The following LRP1B variants were observed in gnomAD, a reference collection of about 807,000 sequenced individuals.
LRP1B encodes low-density lipoprotein receptor-related protein 1B.
Under a neutral mutation model 556.6 loss-of-function variants are expected in LRP1B, and 217 were observed. The ratio of observed to expected loss-of-function variants is 0.39; its 90% CI spans 0.35 to 0.44. The LOEUF is 0.44. LRP1B is among the 20% of genes least tolerant of loss of function. The pLI is 1.00. For missense variants in LRP1B, 5,053 were observed against 5,620.8 expected, an observed-to-expected ratio of 0.90 and a Z score of 3.23; for synonymous variants, 2,047 against 1,865.8, an observed-to-expected ratio of 1.10 and a Z score of -2.50.
intron 84 of LRP1B, among the ~76,000 whole-genome samples, chr2:140,284,803 A>C (rs1177101081): frequency 6.6e-6 from 1 of 151,306 alleles, no homozygotes; most frequent in Non-Finnish European, 1.5e-5. Context: ...GGGATGATAA[A>C]GATAGATGTA....
intron 25 of LRP1B, among the ~76,000 whole-genome samples, chr2:140,876,014 T>C (rs2105172537): frequency 6.6e-6 from 1 of 152,272 alleles, no homozygotes; most frequent in South Asian, 2.1e-4. Context: ...AGAAGGTGGT[T>C]TTATAATCAG....
chr2:140,928,561 A>G (rs895843081), intron 20 of LRP1B, among the ~76,000 whole-genome samples: 4 of 152,092 alleles, frequency 2.6e-5, no homozygotes, highest in Admixed American at 2.0e-4. Flanking sequence ...TTCTGATCAC[A>G]ATTCATTGAC....
At chr2:140,925,380 A>G (rs1033966397) in intron 20 of LRP1B, among the ~76,000 whole-genome samples, 1 of 152,192 alleles carries the variant, frequency 6.6e-6, no homozygotes, top group African/African-American at 2.4e-5. Context: ...TAGACCTCCA[A>G]GGCCCAATCA....
chr2:141,205,877 C>T (rs374388629), intron 6 of LRP1B, among the ~76,000 whole-genome samples: 1 of 152,090 alleles, frequency 6.6e-6, no homozygotes, highest in African/African-American at 2.4e-5. Flanking sequence ...TGTATGTCAG[C>T]AGAATTCAAT....
intron 2 of LRP1B, among the ~76,000 whole-genome samples, chr2:141,540,444 A>G (rs1472049805): frequency 6.6e-6 from 1 of 152,076 alleles, no homozygotes; most frequent in Admixed American, 6.6e-5. Flanking sequence ...AGTAATTCAT[A>G]TATGTTCAAT....
In LRP1B at chr2:141,910,842, A is replaced by G. The variant is rs144168970; in HGVS notation, c.83-100441T>C. 4.8e-3 allele frequency among the ~76,000 whole-genome samples: 728 copies of G among 152,236 alleles called. 7 individuals are homozygous for G. The highest frequency in any genetic ancestry group is 0.027 in the Middle Eastern group (8 of 294). On this transcript the variant is annotated intron_variant, in intron 1 of 90. Transcript: ENST00000389484. ...TAGGAAACTTTCAGTGCTACTTTGT[A>G]TCACTATCTGTAATATAACATATAT...
chr2:141,214,572 G>A (rs926319199), intron 6 of LRP1B, among the ~76,000 whole-genome samples: 4 of 152,190 alleles, frequency 2.6e-5, no homozygotes, highest in African/African-American at 9.7e-5. Flanking sequence ...ACCATTTTGA[G>A]TGATCCTGTA....
intron 52 of LRP1B, among the ~76,000 whole-genome samples, 174 bp from the exon 53 acceptor site, chr2:140,507,092 A>T (rs1341836678): frequency 6.6e-6 from 1 of 152,218 alleles, no homozygotes; most frequent in African/African-American, 2.4e-5. Context: ...ATATGTATTT[A>T]TATTAGAATG....
In LRP1B at chr2:140,597,387, A is replaced by G. The variant is rs375785445; in HGVS notation, c.7194+1244T>C. Among the ~76,000 whole-genome samples the G allele has an allele frequency of 2.0e-5, 3 of 152,330 alleles. No individual in the cohort carries two copies. The South Asian group carries it at 6.2e-4, about 32-fold the overall frequency. On this transcript the variant is annotated intron_variant, in intron 43 of 90. Transcript: ENST00000389484. ...AGGTATATACAAAAATCAATTGAGG[A>G]GAATGAGTTATAAACTCATTTTTTT...
chr2:141,546,076 C>G (rs180777250), intron 2 of LRP1B, among the ~76,000 whole-genome samples: 197 of 152,208 alleles, frequency 1.3e-3, no homozygotes, highest in Non-Finnish European at 2.3e-3. Context: ...CCTAGATCTA[C>G]CACTCCAGCC....
At chr2:140,483,559 C>T (rs532111711) in intron 59 of LRP1B, among the ~76,000 whole-genome samples, 12 of 141,546 alleles carry the variant, frequency 8.5e-5, no homozygotes, top group African/African-American at 2.6e-4. Flanking sequence ...TTCAGACACT[C>T]AAATATATAT....
intron 2 of LRP1B, among the ~76,000 whole-genome samples, chr2:141,658,969 TC>T (rs1290777840): frequency 6.6e-6 from 1 of 152,180 alleles, no homozygotes; most frequent in Non-Finnish European, 1.5e-5. Context: ...AGCTGTGTGA[TC>T]ATGGCTCACT....
intron 67 of LRP1B, among the ~76,000 whole-genome samples, chr2:140,382,109 A>G (rs1311161669): frequency 6.6e-6 from 1 of 152,154 alleles, no homozygotes. Context: ...ACTATCTTAA[A>G]AACTCTTAGT....
At chr2:140,485,846 T>TACACACACACAC (rs10696198) in intron 58 of LRP1B, among the ~76,000 whole-genome samples, 1,659 of 142,334 alleles carry the variant, frequency 0.012, 28 homozygotes, top group Non-Finnish European at 0.016. Context: ...CTCACGCACA[T>TACACACACACAC]ACACACACAC....
intron 1 of LRP1B, among the ~76,000 whole-genome samples, chr2:142,089,105 A>T (rs1323417366): frequency 6.6e-6 from 1 of 152,204 alleles, no homozygotes; most frequent in African/African-American, 2.4e-5. Flanking sequence ...AAATACATTA[A>T]TAAGCAAAGC....
At chr2:141,177,640 G>T (rs1244848093) in intron 7 of LRP1B, among the ~76,000 whole-genome samples, 1 of 152,114 alleles carries the variant, frequency 6.6e-6, no homozygotes, top group African/African-American at 2.4e-5. Context: ...AAAGAAATGA[G>T]TGAAGGGAAG....
intron 7 of LRP1B, among the ~76,000 whole-genome samples, chr2:141,147,206 G>A (rs946034012): frequency 6.6e-6 from 1 of 152,104 alleles, no homozygotes; most frequent in African/African-American, 2.4e-5. Flanking sequence ...TTGCCCTTTA[G>A]GCTTAGGAGT....
intron 35 of LRP1B, among the ~76,000 whole-genome samples, chr2:140,748,844 G>A (rs1688469960): frequency 1.6e-5 from 2 of 127,328 alleles, no homozygotes; most frequent in South Asian, 2.5e-4. Flanking sequence ...TTATATACAT[G>A]TATATAATAT....
chr2:140,901,018 C>T lies in LRP1B; in HGVS notation c.3766+1902G>A, dbSNP rs185911924. On this transcript the variant is annotated intron_variant, in intron 23 of 90. Transcript: ENST00000389484. ...GAAGCATGTGGACTCCTCAGAAAGT[C>T]GTGCTTTTTTTAAAATAATTTTTAA... 2.8e-4 allele frequency among the ~76,000 whole-genome samples: 43 copies of T among 152,080 alleles called. 1 individual carries two copies. The highest frequency in any genetic ancestry group is 1.8e-3 in the Admixed American group (27 of 15,242).
Sources: gnomAD v4.1 joint callset for allele counts (sites outside exome capture counted in the v4.1 genomes callset) on GRCh38, gnomAD v4.1.1 for gene constraint, MANE v1.5 for transcripts, NCBI Gene and HGNC (gene_info 2026-07-23, HGNC 2026-07-21) for gene names.